Variants in BMS1 observed in about 807,000 individuals in gnomAD.
BMS1 encodes the protein ribosome biogenesis protein BMS1 homolog.
In BMS1, 53 loss-of-function variants were observed where a neutral mutation model predicts 138.7. The observed-to-expected ratio is 0.38, with a 90% CI of 0.31 to 0.48. BMS1 has a LOEUF of 0.48. Among genes scored for constraint, BMS1 ranks in the 20% least tolerant of loss-of-function variants. BMS1 has a pLI of 0.97. For missense variants in BMS1, 1,360 were observed against 1,565.5 expected (o/e 0.87, Z 2.22); for synonymous variants, 504 against 539.9 (o/e 0.93, Z 0.92).
rs1720952572 is a variant in BMS1 at position 42,831,624 on chromosome 10, A to G, written c.*528A>G. The G allele has an allele frequency of 6.4e-6, 1 of 156,016 alleles. No homozygotes were observed. Among genetic ancestry groups the G allele is most frequent in the South Asian group, 1.9e-4 (1 of 5,170 alleles). 9.7% of individuals were successfully genotyped at this position (156,016 alleles called of 1,614,324 possible). ...AGATGGTACAGCCTACTGTGCACCC[A>G]GGATCTATGGGCTCCTTTGATCACT... On this transcript the variant is annotated 3_prime_UTR_variant, in exon 23 of 23. Transcript: ENST00000374518.
In BMS1 at chr10:42,790,397, T is replaced by C. The variant is rs373518925; in HGVS notation, c.522T>C (p.His174=). The change falls in exon 5 of 23, where the codon CAT becomes CAC. Residue 174 remains histidine (H), a synonymous_variant. Transcript: ENST00000374518. ...TFEFLNICQV[H]GFPKIMGVLT... is the part of the protein sequence containing the mutation. ...AGTTTCTAAACATCTGTCAAGTACA[T>C]GGCTTTCCTAAAATTATGGGAGTTC... The C allele has an allele frequency of 8.1e-6, 13 of 1,613,834 alleles. No homozygotes were observed. The highest frequency in any genetic ancestry group is 1.1e-5 in the Non-Finnish European group (13 of 1,179,854).
intron 21 of BMS1, among the ~76,000 whole-genome samples, chr10:42,826,901 C>T (rs1842662388): frequency 6.6e-6 from 1 of 152,084 alleles, no homozygotes; most frequent in African/African-American, 2.4e-5. Flanking sequence ...GCAATGGCAG[C>T]TGGGAGGGGA....
At position 42,826,240 on chromosome 10, in the gene BMS1, TGTGTGTG is replaced by T. The variant is rs1564433027; in HGVS notation, c.3456+2457_3456+2463del. Reference sequence around the variant, plus strand: ...GTTGACCTGTAGTTTTTGTTTGTTGTGTGTGTGTGTGTGTGTGTGTGTGTGTGTGTGT... The same window carrying T: ...GTTGACCTGTAGTTTTTGTTTGTTGTTGTGTGTGTGTGTGTGTGTGTGTGT... On this transcript the variant is annotated intron_variant, in intron 21 of 22. Coordinates refer to ENST00000374518, the MANE Select transcript of BMS1 (RefSeq NM_014753.4). Among the ~76,000 whole-genome samples the T allele has an allele frequency of 3.8e-4, 3 of 7,868 alleles. No individual in the cohort carries two copies. The East Asian group carries it at 0.033, about 86-fold the overall frequency. 5.2% of individuals were successfully genotyped at this position (7,868 alleles called of 152,430 possible). A position where few individuals can be genotyped will look rare whatever the true frequency, so the allele number is the denominator to read the frequency against.
intron 3 of BMS1, among the ~76,000 whole-genome samples, chr10:42,786,741 G>C (rs956137530): frequency 6.6e-6 from 1 of 151,946 alleles, no homozygotes; most frequent in African/African-American, 2.4e-5. Context: ...TTTCTTGACT[G>C]TTTTATTTTT....
At chr10:42,809,804 G>A (rs561002557) in intron 13 of BMS1, among the ~76,000 whole-genome samples, 1 of 151,924 alleles carries the variant, frequency 6.6e-6, no homozygotes, top group Admixed American at 6.6e-5. Context: ...TTTATTTTTT[G>A]AGACATGGTC....
At chr10:42,784,856 C>T (rs1448508679) in intron 2 of BMS1, among the ~76,000 whole-genome samples, 4 of 152,122 alleles carry the variant, frequency 2.6e-5, no homozygotes, top group East Asian at 3.9e-4. Flanking sequence ...GTGCTTTTTC[C>T]CCCCAGGTAT....
rs953810195 is a variant in BMS1 at position 42,831,451 on chromosome 10, G to T, written c.*355G>T. The T allele has an allele frequency of 2.2e-4, 41 of 189,814 alleles. No individual in the cohort carries two copies. Among genetic ancestry groups the T allele is most frequent in the Non-Finnish European group, 3.9e-4 (35 of 90,462 alleles). The allele number at this position is 189,814 out of a possible 1,614,324, so 11.8% of individuals were successfully genotyped here. ...AGGGATGAATGCCTGACAATTCTTT[G>T]TGGATAATTATTTATACTACCACCT... On this transcript the variant is annotated 3_prime_UTR_variant, in exon 23 of 23. Transcript: ENST00000374518.
chr10:42,821,010 T>A lies in BMS1; in HGVS notation c.3009+18T>A, dbSNP rs747159384. ...GCATAATGGTAACTATCTTGGATGA[T>A]TTCTTTTACAGATTGGTTTGAGAAA... is the stretch of plus-strand genomic sequence containing the variant. On this transcript the variant is annotated intron_variant, in intron 18 of 22. Transcript: ENST00000374518. 2.2e-5 allele frequency: 33 copies of A among 1,532,544 alleles called. No individual in the cohort carries two copies. Among genetic ancestry groups the A allele is most frequent in the Non-Finnish European group, 2.6e-5 (29 of 1,119,810 alleles). The allele number at this position is 1,532,544 out of a possible 1,614,324, so 94.9% of individuals were successfully genotyped here.
intron 13 of BMS1, among the ~76,000 whole-genome samples, chr10:42,814,810 G>T (rs923650751): frequency 2.0e-5 from 3 of 152,172 alleles, no homozygotes; most frequent in African/African-American, 7.2e-5. Flanking sequence ...CAGCTAGGTG[G>T]GTGGGGAGTG....
At position 42,820,443 on chromosome 10, in the gene BMS1, T is replaced by A; in HGVS notation, c.2769+19T>A. On this transcript the variant is annotated intron_variant, in intron 16 of 22. Coordinates refer to ENST00000374518, the MANE Select transcript of BMS1 (RefSeq NM_014753.4). ...CGTGCAGGTGGGTCCCTTTGCTACA[T>A]ATTTGGTGCCTGAGGCTCTGTGGAT... 6.2e-7 allele frequency: 1 copy of A among 1,612,522 alleles called. No individual in the cohort carries two copies. Among genetic ancestry groups the A allele is most frequent in the Non-Finnish European group, 8.5e-7 (1 of 1,179,352 alleles).
At chr10:42,802,078 A>T in intron 12 of BMS1, 59 bp from the exon 13 acceptor site, 1 of 1,360,694 alleles carries the variant, frequency 7.3e-7, no homozygotes, top group Non-Finnish European at 1.0e-6. Flanking sequence ...GCCATTTCTT[A>T]GAGTTGTTTT....
At position 42,823,774 on chromosome 10, in the gene BMS1, C is replaced by G. The variant is rs771333917; in HGVS notation, c.3446C>G (p.Ser1149Cys). 3.1e-6 allele frequency: 5 copies of G among 1,591,898 alleles called. No homozygotes were observed. The highest frequency in any genetic ancestry group is 1.7e-5 in the Admixed American group (1 of 59,300). ...HGVRLKANKD[S>C]LYKPILRQKK... Reference sequence around the variant, plus strand: ...GTCAGACTAAAGGCGAACAAGGACTCTCTGTATAAGGTACTGGTCGCGTGT... The same window carrying G: ...GTCAGACTAAAGGCGAACAAGGACTGTCTGTATAAGGTACTGGTCGCGTGT... Residue 1149 changes from serine (S) to cysteine (C), a missense_variant, in exon 21 of 23, where the codon TCT becomes TGT. Ser to Cys is a moderately radical substitution (Grantham distance 112). This residue lies in a region of BMS1 where 425 missense variants were observed against 568.3 expected (regional missense o/e 0.75). Coordinates refer to ENST00000374518, the MANE Select transcript of BMS1 (RefSeq NM_014753.4).
chr10:42,816,107 C>G (rs1842340008), intron 13 of BMS1, among the ~76,000 whole-genome samples: 1 of 152,066 alleles, frequency 6.6e-6, no homozygotes, highest in Non-Finnish European at 1.5e-5. Flanking sequence ...CGAGACCAGC[C>G]TGGCCAATTG....
intron 5 of BMS1, among the ~76,000 whole-genome samples, chr10:42,790,917 T>G (rs1841486394): frequency 1.3e-5 from 2 of 152,178 alleles, no homozygotes; most frequent in Non-Finnish European, 2.9e-5. Context: ...GAATTTCCTT[T>G]GTGTGTGTAT....
At chr10:42,797,789 AT>A (rs1054105089) in intron 11 of BMS1, among the ~76,000 whole-genome samples, 7 of 152,104 alleles carry the variant, frequency 4.6e-5, no homozygotes, top group African/African-American at 1.7e-4. Context: ...CTTCATGAGA[AT>A]TTTTTTGTAG....
At position 42,797,435 on chromosome 10, in the gene BMS1, G is replaced by C; in HGVS notation, c.2001G>C (p.Trp667Cys). 6.2e-7 allele frequency: 1 copy of C among 1,614,194 alleles called. No individual in the cohort carries two copies. Among genetic ancestry groups the C allele is most frequent in the Non-Finnish European group, 8.5e-7 (1 of 1,180,028 alleles). ...DSKETSGALK[W>C]KEDLSRKAAE... is the part of the protein sequence containing the mutation. ...TGGTCGTTTCAGGTGCCCTCAAGTG[G>C]AAGGAAGACCTTTCCAGAAAGGCAG... The change falls in exon 11 of 23, where the codon TGG becomes TGC. Residue 667 changes from tryptophan to cysteine, a missense_variant. Around this residue, in one of 3 missense-constraint regions of BMS1, gnomAD observed 697 missense variants for 686.2 expected, o/e 1.02. Coordinates refer to ENST00000374518, the MANE Select transcript of BMS1 (RefSeq NM_014753.4).
chr10:42,820,892 A>C, intron 17 of BMS1, 42 bp from the exon 18 acceptor site: 1 of 1,547,818 alleles, frequency 6.5e-7, no homozygotes, highest in Non-Finnish European at 8.9e-7. Context: ...AGAATCTAAA[A>C]TTTGTGGTTC....
At chr10:42,793,385 A>T (rs375118672) in intron 8 of BMS1, among the ~76,000 whole-genome samples, 254 of 152,038 alleles carry the variant, frequency 1.7e-3, no homozygotes, top group Middle Eastern at 3.4e-3. Context: ...CAGCACAGGC[A>T]TTGCTGCTGT....
chr10:42,811,819 C>T (rs1177549713), intron 13 of BMS1, among the ~76,000 whole-genome samples: 6 of 151,994 alleles, frequency 3.9e-5, no homozygotes, highest in East Asian at 1.9e-4. Flanking sequence ...CCACCGCGCC[C>T]GGCCTCACGT....
Sources: allele counts gnomAD v4.1 joint callset (sites outside exome capture counted in the v4.1 genomes callset), GRCh38; gene constraint gnomAD v4.1.1; regional missense constraint gnomAD v4.1.1; transcripts MANE v1.5; gene names NCBI Gene and HGNC (gene_info 2026-07-23, HGNC 2026-07-21).